Variants in SLC5A8 observed in about 807,000 individuals in gnomAD.
SLC5A8 encodes the protein sodium-coupled monocarboxylate transporter 1.
In SLC5A8, 55 loss-of-function variants were observed where a neutral mutation model predicts 71.9. The ratio of observed to expected loss-of-function variants is 0.77; its 90% CI spans 0.62 to 0.96. The LOEUF is 0.96. Ranked by LOEUF, SLC5A8 falls within the 40% of genes least tolerant of loss-of-function variation. SLC5A8 has a pLI of 0.00. For missense variants in SLC5A8, 701 were observed against 745.3 expected (o/e 0.94, Z 0.69); for synonymous variants, 307 against 276.1 (o/e 1.11, Z -1.11).
At chr12:101,184,981 C>T (rs1868565191) in intron 7 of SLC5A8, among the ~76,000 whole-genome samples, 3 of 152,226 alleles carry the variant, frequency 2.0e-5, no homozygotes, top group Admixed American at 1.3e-4. Flanking sequence ...ACAATTTTCT[C>T]GAAGAGTGTC....
chr12:101,209,475 TCCCA>T lies in SLC5A8; in HGVS notation c.351+19_351+22del. On this transcript the variant is annotated intron_variant, in intron 1 of 14. Transcript: ENST00000536262. ...TCCCCTTCCCCCGCGCCCTGCATGG[TCCCA>T]GCCCACCCTGCCCCTTACCTCGTAG... 703 of 1,443,044 alleles carry T rather than the reference TCCCA, an allele frequency of 4.9e-4. No individual in the cohort carries two copies. Among genetic ancestry groups the T allele is most frequent in the Non-Finnish European group, 6.1e-4 (646 of 1,052,022 alleles). The allele number at this position is 1,443,044 out of a possible 1,614,324, so 89.4% of individuals were successfully genotyped here.
chr12:101,191,517 G>A (rs1314335574), intron 5 of SLC5A8, among the ~76,000 whole-genome samples: 1 of 152,182 alleles, frequency 6.6e-6, no homozygotes, highest in Non-Finnish European at 1.5e-5. Context: ...ATATCAAAGT[G>A]TAAGAGTTTC....
At chr12:101,206,333 G>C (rs1869677413) in intron 1 of SLC5A8, among the ~76,000 whole-genome samples, 1 of 152,168 alleles carries the variant, frequency 6.6e-6, no homozygotes, top group African/African-American at 2.4e-5. Flanking sequence ...TTTTTGGTTT[G>C]TTTGTTTTGT....
At chr12:101,176,234 A>G (rs190117582) in intron 10 of SLC5A8, among the ~76,000 whole-genome samples, 15 of 152,160 alleles carry the variant, frequency 9.9e-5, no homozygotes. Context: ...ACAGCAAAAA[A>G]ATTTCTCAGA....
intron 12 of SLC5A8, among the ~76,000 whole-genome samples, chr12:101,164,587 C>A (rs2051751859): frequency 6.6e-6 from 1 of 152,144 alleles, no homozygotes; most frequent in Non-Finnish European, 1.5e-5. Context: ...TTCTTCAGTC[C>A]TTCATGCTTT....
chr12:101,186,880 AG>A (rs1868665647), intron 7 of SLC5A8, among the ~76,000 whole-genome samples: 1 of 152,212 alleles, frequency 6.6e-6, no homozygotes, highest in South Asian at 2.1e-4. Context: ...TCAGGATTGC[AG>A]GGTTGTGAGA....
chr12:101,195,140 GC>G lies in SLC5A8; in HGVS notation c.491del (p.Gly164AlafsTer3), dbSNP rs771424595. On this transcript the variant is annotated frameshift_variant, in exon 4 of 15. Transcript: ENST00000536262. LOFTEE classifies it high-confidence loss of function. The stretch of plus-strand genomic sequence containing the variant: ...AGACCACCCCCGTTGCCACTACCGC[GC>G]CCCACAGATCAAATCCTGTGACTGT... ...LNQVTGFDLW[G>X]AVVATGVVCT... 1 of 1,613,960 alleles carries G rather than the reference GC, an allele frequency of 6.2e-7. No homozygotes were observed.
chr12:101,209,554 T>G lies in SLC5A8; in HGVS notation c.295A>C (p.Ser99Arg), dbSNP rs762496866. ...AFTYFFVVVI[S>R]AEVFLPVFYK... ...AACACCGGGAGGAAGACCTCCGCGC[T>G]GATGACCACCACAAAGAAGTAGGTG... is the stretch of plus-strand genomic sequence containing the variant. The change falls in exon 1 of 15, where the codon AGC becomes CGC. Residue 99 changes from serine (S) to arginine (R), a missense_variant. By Grantham distance (110) the Ser-to-Arg change is moderately radical. Coordinates refer to ENST00000536262, the MANE Select transcript of SLC5A8 (RefSeq NM_145913.5). The G allele has an allele frequency of 3.7e-6, 6 of 1,613,448 alleles. No homozygotes were observed. The South Asian group carries it at 4.4e-5, about 12-fold the overall frequency.
At position 101,202,048 on chromosome 12, in the gene SLC5A8, T is replaced by C. The variant is rs1240398710; in HGVS notation, c.469+116A>G. On this transcript the variant is annotated intron_variant, in intron 3 of 14. Transcript: ENST00000536262. ...CCCATCCTGCCCCGCTAAGTAAAGC[T>C]GATGCAGGTTACTAGAAGCATTCCT... The C allele has an allele frequency of 3.0e-6, 3 of 1,008,176 alleles. No individual in the cohort carries two copies. In the East Asian group the frequency reaches 7.9e-5, roughly 26 times the overall value. The allele number at this position is 1,008,176 out of a possible 1,614,324, so 62.5% of individuals were successfully genotyped here.
At chr12:101,183,998 G>C in intron 8 of SLC5A8, 136 bp downstream of exon 8, 1 of 745,906 alleles carries the variant, frequency 1.3e-6, no homozygotes, top group Non-Finnish European at 2.2e-6. Context: ...CCACAGAGAG[G>C]ACACATACAG....
intron 8 of SLC5A8, among the ~76,000 whole-genome samples, 168 bp downstream of exon 8, chr12:101,183,966 T>C (rs954733243): frequency 5.3e-5 from 8 of 152,120 alleles, no homozygotes; most frequent in Admixed American, 3.3e-4. Context: ...AACAGGACGC[T>C]AGTCCACAGA....
chr12:101,176,460 A>G (rs772632069), intron 10 of SLC5A8, among the ~76,000 whole-genome samples: 2 of 152,044 alleles, frequency 1.3e-5, no homozygotes, highest in African/African-American at 2.4e-5. Flanking sequence ...TTTATGGAAC[A>G]CTCTACCTAA....
chr12:101,185,970 C>T (rs1022681113), intron 7 of SLC5A8, among the ~76,000 whole-genome samples: 1 of 152,032 alleles, frequency 6.6e-6, no homozygotes, highest in Non-Finnish European at 1.5e-5. Flanking sequence ...CTAACACAGT[C>T]CTGGAAATAT....
intron 5 of SLC5A8, among the ~76,000 whole-genome samples, 176 bp downstream of exon 5, chr12:101,193,449 C>A (rs1224481641): frequency 6.6e-6 from 1 of 152,218 alleles, no homozygotes; most frequent in Non-Finnish European, 1.5e-5. Flanking sequence ...CAGGTTTAAT[C>A]CCTTAAAGAA....
At chr12:101,193,920 G>A in intron 4 of SLC5A8, 141 bp from the exon 5 acceptor site, 1 of 815,350 alleles carries the variant, frequency 1.2e-6, no homozygotes, top group Non-Finnish European at 1.9e-6. Flanking sequence ...AGTCAGGTTG[G>A]GAGAATCTTC....
intron 12 of SLC5A8, among the ~76,000 whole-genome samples, chr12:101,166,171 A>G (rs1445886527): frequency 1.3e-5 from 2 of 152,184 alleles, no homozygotes; most frequent in African/African-American, 2.4e-5. Flanking sequence ...TGTGCTTTCC[A>G]TTTTAAAAGT....
At chr12:101,174,365 T>C (rs2051859580) in intron 10 of SLC5A8, among the ~76,000 whole-genome samples, 1 of 152,184 alleles carries the variant, frequency 6.6e-6, no homozygotes, top group Non-Finnish European at 1.5e-5. Context: ...AGAAGATGGA[T>C]AGTGAGAATA....
At chr12:101,201,998 C>A (rs1265070530) in intron 3 of SLC5A8, among the ~76,000 whole-genome samples, 166 bp downstream of exon 3, 1 of 152,172 alleles carries the variant, frequency 6.6e-6, no homozygotes. Context: ...TCCAAAAACC[C>A]AAAGAAGCTA....
intron 6 of SLC5A8, 61 bp downstream of exon 6, chr12:101,190,407 G>A: frequency 6.5e-7 from 1 of 1,538,072 alleles, no homozygotes. Flanking sequence ...ACTTATGAAA[G>A]AGTTTCCATA....
Sources: gnomAD v4.1 joint callset for allele counts (sites outside exome capture counted in the v4.1 genomes callset) on GRCh38, gnomAD v4.1.1 for gene constraint, MANE v1.5 for transcripts, NCBI Gene and HGNC (gene_info 2026-07-23, HGNC 2026-07-21) for gene names.